The following GALNT13 variants were observed in gnomAD, a reference collection of about 807,000 sequenced individuals.
GALNT13 encodes UDP-GalNAc:polypeptide N-acetylgalactosaminyltransferase 13.
GALNT13 carries 28 observed loss-of-function variants against 64.2 expected under a neutral mutation model. The observed-to-expected ratio is 0.44, with a 90% CI of 0.32 to 0.60. The LOEUF is 0.60. GALNT13 is among the 20% of genes least tolerant of loss of function. GALNT13 has a pLI of 0.05. For synonymous variants in GALNT13, 214 were observed against 224.6 expected (o/e 0.95, Z 0.42); for missense variants, 577 against 669.8 (o/e 0.86, Z 1.53).
At chr2:154,432,417 A>G (rs950465514) in intron 11 of GALNT13, among the ~76,000 whole-genome samples, 2 of 152,196 alleles carry the variant, frequency 1.3e-5, no homozygotes, top group Non-Finnish European at 2.9e-5. Flanking sequence ...GTGACTTTAG[A>G]CACTTCAACC....
the GALNT13 span, among the ~76,000 whole-genome samples, chr2:153,097,927 G>A: frequency 5.9e-5 from 9 of 152,114 alleles, no homozygotes; most frequent in Non-Finnish European, 2.9e-5. Flanking sequence ...TTAGCTGGGC[G>A]TGGTCGTGGG....
chr2:153,682,236 G>T, the GALNT13 span, among the ~76,000 whole-genome samples: 1 of 151,626 alleles, frequency 6.6e-6, no homozygotes, highest in Non-Finnish European at 1.5e-5. Context: ...AGTTGAAAGG[G>T]TTACAACTCC....
intron 3 of GALNT13, among the ~76,000 whole-genome samples, chr2:154,112,972 T>C (rs1703070726): frequency 6.6e-6 from 1 of 152,124 alleles, no homozygotes; most frequent in Non-Finnish European, 1.5e-5. Flanking sequence ...ATCACATATA[T>C]ACCACTTCTA....
chr2:154,340,832 A>G (rs1311171012), intron 9 of GALNT13, among the ~76,000 whole-genome samples: 2 of 152,100 alleles, frequency 1.3e-5, no homozygotes, highest in African/African-American at 4.8e-5. Context: ...ACACGTTTAT[A>G]AGATTTTATC....
At chr2:154,218,906 A>T (rs752172548) in intron 4 of GALNT13, among the ~76,000 whole-genome samples, 1 of 151,986 alleles carries the variant, frequency 6.6e-6, no homozygotes, top group Non-Finnish European at 1.5e-5. Flanking sequence ...TTTGTATGAC[A>T]TATTGTCTTG....
chr2:153,635,163 A>G, the GALNT13 span, among the ~76,000 whole-genome samples: 4 of 151,972 alleles, frequency 2.6e-5, no homozygotes, highest in Non-Finnish European at 4.4e-5. Flanking sequence ...CATGTGCTTT[A>G]TTATTTTCCT....
chr2:154,289,554 C>T (rs942044713), intron 8 of GALNT13, among the ~76,000 whole-genome samples: 28 of 152,262 alleles, frequency 1.8e-4, no homozygotes, highest in Middle Eastern at 3.4e-3. Flanking sequence ...GACTTACTCA[C>T]TTTCAAGAGA....
chr2:153,669,884 G>A, the GALNT13 span, among the ~76,000 whole-genome samples: 5 of 151,678 alleles, frequency 3.3e-5, no homozygotes, highest in African/African-American at 9.7e-5. Flanking sequence ...TGCCTGGCTC[G>A]GCAGGTCCCT....
chr2:153,408,096 T>A, the GALNT13 span, among the ~76,000 whole-genome samples: 1,682 of 152,258 alleles, frequency 0.011, 17 homozygotes, highest in South Asian at 0.032. Context: ...GAGCCCCCAG[T>A]GGGTGTTAGA....
chr2:153,472,477 T>C, the GALNT13 span, among the ~76,000 whole-genome samples: 1 of 152,158 alleles, frequency 6.6e-6, no homozygotes, highest in African/African-American at 2.4e-5. Flanking sequence ...AGGAATCATG[T>C]CATTTTTTCC....
the GALNT13 span, among the ~76,000 whole-genome samples, chr2:153,728,558 G>A: frequency 6.6e-6 from 1 of 151,978 alleles, no homozygotes; most frequent in Non-Finnish European, 1.5e-5. Context: ...ATCACAAATC[G>A]ACACCCTGAA....
At chr2:153,478,067 C>CT in the GALNT13 span, 1 of 624,190 alleles carries the variant, frequency 1.6e-6, no homozygotes, top group Non-Finnish European at 2.8e-6. Flanking sequence ...GGCATGAGGA[C>CT]TTTCAGAGGG....
intron 2 of GALNT13, among the ~76,000 whole-genome samples, chr2:153,909,931 A>G (rs1688826774): frequency 6.6e-6 from 1 of 152,108 alleles, no homozygotes; most frequent in African/African-American, 2.4e-5. Context: ...TATCAGGATG[A>G]TGCTGGCCTC....
chr2:153,525,532 C>A, the GALNT13 span, among the ~76,000 whole-genome samples: 1 of 152,160 alleles, frequency 6.6e-6, no homozygotes, highest in Non-Finnish European at 1.5e-5. Context: ...AGCTCTACCT[C>A]CTGTCATATC....
the GALNT13 span, among the ~76,000 whole-genome samples, chr2:153,744,053 C>A: frequency 1.3e-5 from 2 of 152,052 alleles, no homozygotes; most frequent in Non-Finnish European, 1.5e-5. Flanking sequence ...TGTATATGTA[C>A]AATTTTTTTA....
intron 4 of GALNT13, among the ~76,000 whole-genome samples, chr2:154,163,630 A>G (rs952754967): frequency 1.3e-4 from 20 of 152,136 alleles, no homozygotes; most frequent in Non-Finnish European, 2.6e-4. Context: ...GTCCTTTCAT[A>G]TTCTTTAGCA....
chr2:154,369,408 A>C (rs968566940), intron 9 of GALNT13, among the ~76,000 whole-genome samples: 2 of 152,156 alleles, frequency 1.3e-5, no homozygotes, highest in South Asian at 2.1e-4. Context: ...ACAATACCAA[A>C]ATAATACTTC....
intron 3 of GALNT13, among the ~76,000 whole-genome samples, chr2:153,960,112 G>A (rs1167455462): frequency 6.6e-6 from 1 of 152,182 alleles, no homozygotes. Flanking sequence ...AAGAGCTTTG[G>A]TAGTGACAGA....
At chr2:153,409,421 CCTGA>C in the GALNT13 span, among the ~76,000 whole-genome samples, 1 of 138,174 alleles carries the variant, frequency 7.2e-6, no homozygotes, top group Admixed American at 7.1e-5. Flanking sequence ...TCTAGAGAGC[CCTGA>C]CTAATACAGA....
Sources: allele counts gnomAD v4.1 joint callset (sites outside exome capture counted in the v4.1 genomes callset), GRCh38; gene constraint gnomAD v4.1.1; transcripts MANE v1.5; gene names NCBI Gene and HGNC (gene_info 2026-07-23, HGNC 2026-07-21).